The following C1GALT1 variants were observed in gnomAD, a reference collection of about 807,000 sequenced individuals.
The protein encoded by C1GALT1 is core 1 synthase, glycoprotein-N-acetylgalactosamine 3-beta-galactosyltransferase 1.
Under a neutral mutation model 31.0 loss-of-function variants are expected in C1GALT1, and 11 were observed. That is an observed-to-expected ratio of 0.36 (90% CI 0.22 to 0.59). C1GALT1 has a LOEUF of 0.59. C1GALT1 is among the 20% of genes least tolerant of loss of function. C1GALT1 has a pLI of 0.79. For synonymous variants in C1GALT1, 175 were observed against 143.6 expected (o/e 1.22, Z -1.56); for missense variants, 424 against 425.2 (o/e 1.00, Z 0.03).
intron 1 of C1GALT1, among the ~76,000 whole-genome samples, chr7:7,227,544 C>T (rs1782825330): frequency 6.6e-6 from 1 of 151,904 alleles, no homozygotes. Flanking sequence ...AACGGTGAAA[C>T]CCCGTCTCTA....
chr7:7,158,202 A>G (rs998227915), intron 2 of C1GALT1, among the ~76,000 whole-genome samples: 1 of 152,140 alleles, frequency 6.6e-6, no homozygotes, highest in African/African-American at 2.4e-5. Flanking sequence ...CCTTTCTGCT[A>G]AAGAAAAGAA....
intron 2 of C1GALT1, among the ~76,000 whole-genome samples, chr7:7,171,944 T>C (rs892455142): frequency 6.6e-6 from 1 of 152,202 alleles, no homozygotes; most frequent in African/African-American, 2.4e-5. Flanking sequence ...GGAGATTTAT[T>C]ATTTTTATAT....
rs1782626512 is a variant in C1GALT1, at chr7:7,223,857, A to T, written c.-17-10446A>T. On this transcript the variant is annotated intron_variant, in intron 1 of 3. Transcript: ENST00000436587. The stretch of plus-strand genomic sequence containing the variant: ...TTTCCTTGTTCATGATCTTAACGTG[A>T]AAACATTCAGTCTTTTACCATTAAG... Among the ~76,000 whole-genome samples the T allele has an allele frequency of 1.3e-5, 2 of 152,168 alleles. 1 individual carries two copies. The highest frequency in any genetic ancestry group is 4.1e-4 in the South Asian group (2 of 4,832).
chr7:7,234,773 G>T lies in C1GALT1; in HGVS notation c.220+234G>T, dbSNP rs1056289454. 7.0e-5 allele frequency: 26 copies of T among 369,866 alleles called. No homozygotes were observed. The Admixed American group carries it at 7.4e-4, about 11-fold the overall frequency. The allele number at this position is 369,866 out of a possible 1,614,324, so 22.9% of individuals were successfully genotyped here. On this transcript the variant is annotated intron_variant, in intron 2 of 3. Coordinates refer to ENST00000436587, the MANE Select transcript of C1GALT1 (RefSeq NM_020156.5). ...AGTTCAGAACCCATGATTTGGGGAA[G>T]GGCATAACTATTCAGATTTGATTTG...
chr7:7,191,483 G>A (rs1781069562), intron 1 of C1GALT1, among the ~76,000 whole-genome samples: 1 of 151,860 alleles, frequency 6.6e-6, no homozygotes, highest in Non-Finnish European at 1.5e-5. Context: ...GCTCTCATTG[G>A]GTATATATCC....
At chr7:7,216,210 AAG>A (rs1425453706) in intron 1 of C1GALT1, among the ~76,000 whole-genome samples, 1 of 152,196 alleles carries the variant, frequency 6.6e-6, no homozygotes, top group East Asian at 1.9e-4. Context: ...CATTTAGAAA[AAG>A]AAGCGAGAAT....
At chr7:7,185,239 G>A (rs972699934) in intron 1 of C1GALT1, among the ~76,000 whole-genome samples, 1 of 152,278 alleles carries the variant, frequency 6.6e-6, no homozygotes, top group East Asian at 1.9e-4. Context: ...TGGGGGCAAC[G>A]AGAGGCAATA....
chr7:7,158,500 C>T (rs12536346), intron 2 of C1GALT1, among the ~76,000 whole-genome samples: 100,074 of 151,646 alleles, frequency 0.66, 33,952 homozygotes, highest in East Asian at 0.93. Flanking sequence ...CTGAGTATAA[C>T]GATTCCTATA....
At chr7:7,209,023 G>C (rs1279293129) in intron 1 of C1GALT1, among the ~76,000 whole-genome samples, 1 of 152,150 alleles carries the variant, frequency 6.6e-6, no homozygotes, top group Non-Finnish European at 1.5e-5. Flanking sequence ...ACTCATTCTT[G>C]GTGCTTTCTA....
At chr7:7,159,112 CAG>C (rs1442936618) in intron 2 of C1GALT1, among the ~76,000 whole-genome samples, 1 of 151,646 alleles carries the variant, frequency 6.6e-6, no homozygotes, top group Non-Finnish European at 1.5e-5. Context: ...GACTTAGAAA[CAG>C]GAAAAAAAAG....
chr7:7,233,318 G>T (rs1046590755), intron 1 of C1GALT1, among the ~76,000 whole-genome samples: 4 of 151,848 alleles, frequency 2.6e-5, no homozygotes, highest in African/African-American at 9.7e-5. Context: ...GGCTGGAGTT[G>T]AGTGGTGCAG....
rs1350453459 is a variant in C1GALT1, at chr7:7,244,652, C to G, written c.*925C>G. The stretch of plus-strand genomic sequence containing the variant: ...ACATTTTAAATTGATATTTTAAACT[C>G]TTTCCAACTACATAGTTATGGTTTA... On this transcript the variant is annotated 3_prime_UTR_variant, in exon 4 of 4. Coordinates refer to ENST00000436587, the MANE Select transcript of C1GALT1 (RefSeq NM_020156.5). 1 of 152,140 alleles carries G rather than the reference C, an allele frequency of 6.6e-6. No individual in the cohort carries two copies. The highest frequency in any genetic ancestry group is 1.5e-5 in the Non-Finnish European group (1 of 68,006). The allele number at this position is 152,140 out of a possible 1,614,324, so 9.4% of individuals were successfully genotyped here. A position where few individuals can be genotyped will look rare whatever the true frequency, so the allele number is the denominator to read the frequency against.
intron 2 of C1GALT1, among the ~76,000 whole-genome samples, chr7:7,166,290 G>T (rs1229825299): frequency 6.6e-6 from 1 of 152,054 alleles, no homozygotes; most frequent in Non-Finnish European, 1.5e-5. Flanking sequence ...AAAAATTGTG[G>T]TATATTCTTA....
chr7:7,210,958 A>T (rs1421351825), intron 1 of C1GALT1, among the ~76,000 whole-genome samples: 1 of 152,140 alleles, frequency 6.6e-6, no homozygotes, highest in African/African-American at 2.4e-5. Flanking sequence ...AATAACTCCT[A>T]CAACATTCCC....
chr7:7,201,760 C>T (rs2128235888), intron 1 of C1GALT1, among the ~76,000 whole-genome samples: 1 of 152,348 alleles, frequency 6.6e-6, no homozygotes, highest in African/African-American at 2.4e-5. Flanking sequence ...TCCCCCTCCC[C>T]CGAGGAAGTA....
intron 1 of C1GALT1, among the ~76,000 whole-genome samples, chr7:7,194,977 G>A (rs1341411314): frequency 6.6e-6 from 1 of 152,026 alleles, no homozygotes; most frequent in African/African-American, 2.4e-5. Flanking sequence ...GTTCATAGTA[G>A]CCTTGAATGA....
intron 1 of C1GALT1, among the ~76,000 whole-genome samples, chr7:7,214,414 A>C (rs1782138441): frequency 6.6e-6 from 1 of 152,172 alleles, no homozygotes; most frequent in African/African-American, 2.4e-5. Context: ...TTTTCCAGAA[A>C]AACAAGATCC....
rs1449679850 is a variant in C1GALT1 at position 7,246,197 on chromosome 7, T to C, written c.*2470T>C. ...TCAAAATTTGGGTGTTATACCCCTA[T>C]TATAGATAAGGAAACTGAGGCTCAG... On this transcript the variant is annotated 3_prime_UTR_variant, in exon 4 of 4. Transcript: ENST00000436587. 1 of 149,700 alleles carries C rather than the reference T, an allele frequency of 6.7e-6. No individual in the cohort carries two copies. Among genetic ancestry groups the C allele is most frequent in the Non-Finnish European group, 1.5e-5 (1 of 67,656 alleles). 9.3% of individuals were successfully genotyped at this position (149,700 alleles called of 1,614,324 possible). A position where few individuals can be genotyped will look rare whatever the true frequency, so the allele number is the denominator to read the frequency against.
intron 2 of C1GALT1, among the ~76,000 whole-genome samples, chr7:7,161,566 C>G (rs1780334201): frequency 2.6e-5 from 4 of 152,156 alleles, no homozygotes; most frequent in Admixed American, 1.3e-4. Context: ...ACATGTTAGA[C>G]CCTTTGCAAA....
Sources: gnomAD v4.1 joint callset for allele counts (sites outside exome capture counted in the v4.1 genomes callset) on GRCh38, gnomAD v4.1.1 for gene constraint, MANE v1.5 for transcripts, NCBI Gene and HGNC (gene_info 2026-07-23, HGNC 2026-07-21) for gene names.